Variants in PCDHGB2 observed in about 807,000 individuals in gnomAD.
PCDHGB2 encodes the protein protocadherin gamma-B2.
PCDHGB2 carries 55 observed loss-of-function variants against 59.3 expected under a neutral mutation model. The ratio of observed to expected loss-of-function variants is 0.93; its 90% CI spans 0.75 to 1.16. The LOEUF (loss-of-function observed/expected upper bound fraction) is 1.16, where lower values mean the gene tolerates loss of function less well. Among genes scored for constraint, PCDHGB2 ranks in the 50% most tolerant of loss-of-function variants. The probability of loss-of-function intolerance (pLI) is 0.00; values close to 1 mark genes in which losing one functional copy is unlikely to be tolerated. For missense variants in PCDHGB2, 1,228 were observed against 1,198.5 expected, an observed-to-expected ratio of 1.02 and a Z score of -0.36; for synonymous variants, 516 against 512.0, an observed-to-expected ratio of 1.01 and a Z score of -0.11.
chr5:141,393,555 C>A lies in PCDHGB2; in HGVS notation c.2421+30999C>A. ...CCCGGTTTTTCCTCACCCGATTTAC[C>A]GAGTGAAAGTCCTTGAGAACATGCC... On this transcript the variant is annotated intron_variant, in intron 1 of 3. Transcript: ENST00000522605. The A allele has an allele frequency of 5.0e-6, 8 of 1,613,928 alleles. 1 individual carries two copies. Among genetic ancestry groups the A allele is most frequent in the Non-Finnish European group, 6.8e-6 (8 of 1,179,886 alleles).
intron 1 of PCDHGB2, among the ~76,000 whole-genome samples, chr5:141,492,530 C>A (rs1595123138): frequency 1.3e-5 from 2 of 152,246 alleles, no homozygotes; most frequent in South Asian, 2.1e-4. Flanking sequence ...CCCACCTGCG[C>A]CCCGGGCTGG....
intron 1 of PCDHGB2, among the ~76,000 whole-genome samples, chr5:141,438,497 T>C (rs1274742357): frequency 6.7e-6 from 1 of 149,116 alleles, no homozygotes; most frequent in African/African-American, 2.5e-5. Flanking sequence ...GAAAAAAGAA[T>C]CATAGTGCAA....
intron 1 of PCDHGB2, chr5:141,404,668 T>C: frequency 6.2e-7 from 1 of 1,614,148 alleles, no homozygotes; most frequent in Non-Finnish European, 8.5e-7. Flanking sequence ...CTGATGGTTC[T>C]ACTGGTGTGG....
intron 1 of PCDHGB2, among the ~76,000 whole-genome samples, chr5:141,466,863 C>A (rs1409042461): frequency 1.3e-5 from 2 of 152,070 alleles, no homozygotes; most frequent in African/African-American, 4.8e-5. Context: ...ATTTTGAAAT[C>A]CACACATTTT....
chr5:141,467,321 G>A (rs2099141786), intron 1 of PCDHGB2, among the ~76,000 whole-genome samples: 2 of 152,024 alleles, frequency 1.3e-5, no homozygotes, highest in East Asian at 1.9e-4. Context: ...CCACAGTGCT[G>A]GGATTAGAGA....
At chr5:141,417,690 A>T in intron 1 of PCDHGB2, 1 of 1,077,126 alleles carries the variant, frequency 9.3e-7, no homozygotes, top group East Asian at 2.6e-5. Context: ...AGAAAAGAAA[A>T]CCAGCTCCCA....
chr5:141,500,521 A>T lies in PCDHGB2; in HGVS notation c.2481-4872A>T, dbSNP rs185546944. 3.7e-3 allele frequency among the ~76,000 whole-genome samples: 560 copies of T among 152,176 alleles called. 5 individuals are homozygous for T. Among genetic ancestry groups the T allele is most frequent in the Admixed American group, 0.011 (162 of 15,280 alleles). On this transcript the variant is annotated intron_variant, in intron 2 of 3. Coordinates refer to ENST00000522605, the MANE Select transcript of PCDHGB2 (RefSeq NM_018923.3). Reference sequence around the variant, plus strand: ...ACCGCGCCTGGCCGAGCTTCATTTTAAAAAAATCTCATTCACCTAAATAAG... The same window carrying T: ...ACCGCGCCTGGCCGAGCTTCATTTTTAAAAAATCTCATTCACCTAAATAAG...
Position 141,431,199 on chromosome 5 carries a change from C to T in PCDHGB2, c.2422-63608C>T. 1 of 1,614,194 alleles carries T rather than the reference C, an allele frequency of 6.2e-7. No homozygotes were observed. Among genetic ancestry groups the T allele is most frequent in the East Asian group, 2.2e-5 (1 of 44,890 alleles). ...GAAATAAAAATTAGTGAAAATGCAG[C>T]CACTGAGATGCGGTTCCCTCTACCC... On this transcript the variant is annotated intron_variant, in intron 1 of 3. Transcript: ENST00000522605. This position sits in a 1 kb window ranked among gnomAD's most constrained non-coding sequence, Gnocchi z 4.8.
intron 1 of PCDHGB2, among the ~76,000 whole-genome samples, chr5:141,480,839 G>A (rs1397361640): frequency 6.6e-6 from 1 of 152,196 alleles, no homozygotes; most frequent in Non-Finnish European, 1.5e-5. Context: ...AAGATCAGGA[G>A]TTTGAGACCA....
At position 141,370,864 on chromosome 5, in the gene PCDHGB2, C is replaced by T. The variant is rs372472671; in HGVS notation, c.2421+8308C>T. 2.7e-5 allele frequency: 43 copies of T among 1,614,034 alleles called. 1 individual carries two copies. The highest frequency in any genetic ancestry group is 3.6e-5 in the Non-Finnish European group (42 of 1,179,900). On this transcript the variant is annotated intron_variant, in intron 1 of 3. Coordinates refer to ENST00000522605, the MANE Select transcript of PCDHGB2 (RefSeq NM_018923.3). The stretch of plus-strand genomic sequence containing the variant: ...GGAGCCACATTTGCCCTGGAATCTG[C>T]GCAAGATCCTGATGTAGGTGTCAAT...
chr5:141,456,072 T>C (rs1349808406), intron 1 of PCDHGB2, among the ~76,000 whole-genome samples: 2 of 151,950 alleles, frequency 1.3e-5, no homozygotes, highest in Non-Finnish European at 2.9e-5. Flanking sequence ...TAATTTTTTG[T>C]ATTTTCAGTA....
intron 2 of PCDHGB2, among the ~76,000 whole-genome samples, chr5:141,496,753 A>G (rs2099771084): frequency 6.6e-6 from 1 of 152,166 alleles, no homozygotes; most frequent in Admixed American, 6.5e-5. Flanking sequence ...TTCAACAAAT[A>G]TTTATCGAGC....
intron 1 of PCDHGB2, chr5:141,374,320 G>T (rs1425393222): frequency 1.2e-6 from 2 of 1,613,960 alleles, no homozygotes; most frequent in Admixed American, 3.3e-5. Context: ...CTCTGAATCC[G>T]CGAAACGGCA....
rs758599120 is a variant in PCDHGB2 at position 141,414,165 on chromosome 5, A to G, written c.2421+51609A>G. On this transcript the variant is annotated intron_variant, in intron 1 of 3. Transcript: ENST00000522605. The stretch of plus-strand genomic sequence containing the variant: ...AAATACAAGCAGAAGATGGAGGAGC[A>G]TATCTTGCAACTGCAAAAGTGTTGA... 8 of 1,604,890 alleles carry G rather than the reference A, an allele frequency of 5.0e-6. No homozygotes were observed. The highest frequency in any genetic ancestry group is 2.2e-5 in the South Asian group (2 of 89,922).
chr5:141,382,422 C>A (rs1778191772), intron 1 of PCDHGB2, among the ~76,000 whole-genome samples: 1 of 152,092 alleles, frequency 6.6e-6, no homozygotes, highest in Admixed American at 6.5e-5. Context: ...AGTCAGTGCC[C>A]AAAAGAGTCA....
At chr5:141,398,700 C>T in intron 1 of PCDHGB2, 1 of 1,613,844 alleles carries the variant, frequency 6.2e-7, no homozygotes, top group Non-Finnish European at 8.5e-7. Context: ...GTAGTAAATA[C>T]CCGGAACTGG....
intron 1 of PCDHGB2, chr5:141,371,288 G>A (rs780665474): frequency 3.1e-6 from 5 of 1,613,992 alleles, no homozygotes; most frequent in Non-Finnish European, 4.2e-6. Flanking sequence ...ACAGTAAAAC[G>A]GGGGAACTCA....
intron 1 of PCDHGB2, among the ~76,000 whole-genome samples, chr5:141,459,386 T>C (rs1283863283): frequency 6.6e-6 from 1 of 152,260 alleles, no homozygotes; most frequent in African/African-American, 2.4e-5. Context: ...GTGTTCCATT[T>C]GATTGTTGAG....
intron 1 of PCDHGB2, chr5:141,468,330 C>CAAAAAA (rs533390277): frequency 1.3e-5 from 1 of 79,878 alleles, no homozygotes. Context: ...AACTCCATCT[C>CAAAAAA]AAAAAAAAAA....
Sources: allele counts gnomAD v4.1 joint callset (sites outside exome capture counted in the v4.1 genomes callset), GRCh38; gene constraint gnomAD v4.1.1; non-coding constraint Gnocchi (gnomAD v3.1); transcripts MANE v1.5; gene names NCBI Gene and HGNC (gene_info 2026-07-23, HGNC 2026-07-21).